CDC73: variants seen among roughly 807,000 people sequenced by gnomAD.
CDC73 encodes the protein cell division cycle 73, also known as parafibromin.
CDC73 carries 21 observed loss-of-function variants against 83.7 expected under a neutral mutation model. The ratio of observed to expected loss-of-function variants is 0.25; its 90% CI spans 0.18 to 0.36. CDC73 has a LOEUF of 0.36. Among genes scored for constraint, CDC73 ranks in the 10% least tolerant of loss-of-function variants. The pLI is 1.00. For synonymous variants in CDC73, 224 were observed against 212.9 expected (o/e 1.05, Z -0.45); for missense variants, 342 against 653.3 (o/e 0.52, Z 5.19).
At chr1:193,238,171 A>G (rs978508374) in intron 15 of CDC73, among the ~76,000 whole-genome samples, 4 of 152,220 alleles carry the variant, frequency 2.6e-5, no homozygotes, top group Non-Finnish European at 4.4e-5. Context: ...TCAGTGATTT[A>G]CTTTCATGAA....
intron 14 of CDC73, among the ~76,000 whole-genome samples, chr1:193,235,387 T>C (rs1484543574): frequency 1.3e-5 from 2 of 152,172 alleles, no homozygotes; most frequent in Admixed American, 1.3e-4. Flanking sequence ...ATTAAATGTG[T>C]TAACATCATA....
chr1:193,165,792 C>T (rs1676425921), intron 10 of CDC73, among the ~76,000 whole-genome samples: 1 of 152,208 alleles, frequency 6.6e-6, no homozygotes, highest in Admixed American at 6.5e-5. Context: ...TGGTTGAGGT[C>T]TCCACTGGTA....
chr1:193,204,169 T>A lies in CDC73; in HGVS notation c.1030+317T>A, dbSNP rs560044877. On this transcript the variant is annotated intron_variant, in intron 11 of 16. Transcript: ENST00000367435. ...AAGCAGCTGAACTGGATTTTGTTTTTTATATATATATATACACACACACAC... is the reference window on the plus strand; with the variant it reads ...AAGCAGCTGAACTGGATTTTGTTTTATATATATATATATACACACACACAC... Among the ~76,000 whole-genome samples the A allele has an allele frequency of 2.4e-4, 36 of 149,102 alleles. No individual in the cohort carries two copies. The South Asian group carries it at 5.1e-3, about 21-fold the overall frequency.
chr1:193,137,771 C>T (rs1675826355), intron 5 of CDC73, among the ~76,000 whole-genome samples: 1 of 152,116 alleles, frequency 6.6e-6, no homozygotes. Flanking sequence ...TTAACTTTCT[C>T]AAAAAGATGA....
At chr1:193,230,457 ATTTTTTTTTTTTTT>A (rs752027731) in intron 13 of CDC73, among the ~76,000 whole-genome samples, 20 of 90,724 alleles carry the variant, frequency 2.2e-4, no homozygotes, top group East Asian at 1.4e-3. Flanking sequence ...CTAATCCCGT[ATTTTTTTTTTTTTT>A]TTTTTTTTTT....
Position 193,133,273 on chromosome 1 carries a change from T to C in CDC73, c.308-2118T>C, listed in dbSNP as rs957058656. The stretch of plus-strand genomic sequence containing the variant: ...TTTAAAAACTGTTAATTTAATAGTT[T>C]AATGAAAAGGTTGAGCAAATATTAA... On this transcript the variant is annotated intron_variant, in intron 3 of 16. Transcript: ENST00000367435. Among the ~76,000 whole-genome samples the C allele has an allele frequency of 2.6e-5, 4 of 152,174 alleles. No individual in the cohort carries two copies. In the South Asian group the frequency reaches 6.2e-4, roughly 24 times the overall value.
At chr1:193,175,647 A>C (rs1676587854) in intron 10 of CDC73, among the ~76,000 whole-genome samples, 2 of 152,262 alleles carry the variant, frequency 1.3e-5, no homozygotes, top group African/African-American at 4.8e-5. Context: ...ACAACTATTT[A>C]CATAGCATTT....
intron 10 of CDC73, among the ~76,000 whole-genome samples, chr1:193,173,177 G>T (rs537802651): frequency 9.9e-5 from 15 of 152,064 alleles, no homozygotes; most frequent in Non-Finnish European, 1.8e-4. Flanking sequence ...CTTTAGAGAG[G>T]CTCCTTATTG....
intron 7 of CDC73, among the ~76,000 whole-genome samples, chr1:193,143,961 T>G (rs1219538620): frequency 3.3e-5 from 5 of 151,568 alleles, no homozygotes; most frequent in Non-Finnish European, 7.4e-5. Context: ...AATACAAAAA[T>G]TAGTGGGGCA....
At chr1:193,123,518 C>T (rs553128325) in intron 1 of CDC73, among the ~76,000 whole-genome samples, 1 of 152,204 alleles carries the variant, frequency 6.6e-6, no homozygotes, top group African/African-American at 2.4e-5. Context: ...TGAGCCACGG[C>T]GCCCTGCCTA....
chr1:193,223,189 G>A (rs1483202235), intron 13 of CDC73, among the ~76,000 whole-genome samples: 2 of 151,672 alleles, frequency 1.3e-5, no homozygotes, highest in African/African-American at 4.8e-5. Flanking sequence ...TTTCATACAT[G>A]ATAACTTGTT....
At chr1:193,212,556 C>A in intron 13 of CDC73, 79 bp downstream of exon 13, 3 of 976,536 alleles carry the variant, frequency 3.1e-6, no homozygotes, top group South Asian at 1.6e-5. Flanking sequence ...ATCAGTATTA[C>A]TTATTTGGAA....
chr1:193,165,060 T>A (rs1247540937), intron 10 of CDC73, among the ~76,000 whole-genome samples: 1 of 152,162 alleles, frequency 6.6e-6, no homozygotes, highest in Non-Finnish European at 1.5e-5. Flanking sequence ...TTGGAAATCT[T>A]TCTTTCTTTT....
Position 193,212,304 on chromosome 1 carries a change from C to T in CDC73, c.1067-86C>T, listed in dbSNP as rs41302543. ...TTTTTTAGATCAAAAGTTAAAGTTA[C>T]AATTTATAATCTTTTAACTTTTAGT... On this transcript the variant is annotated intron_variant, in intron 12 of 16. Transcript: ENST00000367435. The T allele has an allele frequency of 0.022, 20,483 of 947,902 alleles. 321 individuals carry two copies. The highest frequency in any genetic ancestry group is 0.034 in the Middle Eastern group (111 of 3,238). 58.7% of individuals were successfully genotyped at this position (947,902 alleles called of 1,614,324 possible).
chr1:193,239,803 T>G (rs1226156104), intron 15 of CDC73, among the ~76,000 whole-genome samples: 1 of 152,202 alleles, frequency 6.6e-6, no homozygotes, highest in African/African-American at 2.4e-5. Flanking sequence ...TATTGTTAAG[T>G]ATAGCCTCCT....
intron 13 of CDC73, 70 bp from the exon 14 acceptor site, chr1:193,232,923 A>G: frequency 7.3e-7 from 1 of 1,362,854 alleles, no homozygotes; most frequent in Non-Finnish European, 1.0e-6. Context: ...AATATTTCAA[A>G]TTATAGTTTA....
chr1:193,181,391 TTTC>T (rs761625282), intron 10 of CDC73: 1 of 1,614,022 alleles, frequency 6.2e-7, no homozygotes, highest in African/African-American at 1.3e-5. Context: ...GTCACAGGGT[TTTC>T]TTTGAATCCA....
chr1:193,130,392 A>G (rs1292792386), intron 3 of CDC73, 149 bp downstream of exon 3: 2 of 690,828 alleles, frequency 2.9e-6, no homozygotes, highest in Non-Finnish European at 5.2e-6. Context: ...TTTTTCTTAT[A>G]CAGTGGATGC....
intron 10 of CDC73, among the ~76,000 whole-genome samples, chr1:193,185,086 T>C (rs1452663185): frequency 6.6e-6 from 1 of 152,084 alleles, no homozygotes. Flanking sequence ...TACTGCATAT[T>C]AATATAGCCT....
Sources: allele counts gnomAD v4.1 joint callset (sites outside exome capture counted in the v4.1 genomes callset), GRCh38; gene constraint gnomAD v4.1.1; transcripts MANE v1.5; gene names NCBI Gene and HGNC (gene_info 2026-07-23, HGNC 2026-07-21).